The following BBOF1 variants were observed in gnomAD, a reference collection of about 807,000 sequenced individuals.
BBOF1 encodes the protein basal body orientation factor 1.
In BBOF1, 62 loss-of-function variants were observed where a neutral mutation model predicts 68.0. The ratio of observed to expected loss-of-function variants is 0.91; its 90% CI spans 0.74 to 1.13. The LOEUF (loss-of-function observed/expected upper bound fraction) is 1.13, where lower values mean the gene tolerates loss of function less well. Among genes scored for constraint, BBOF1 ranks in the 50% most tolerant of loss-of-function variants. The probability of loss-of-function intolerance (pLI) is 0.00; values close to 1 mark genes in which losing one functional copy is unlikely to be tolerated. For synonymous variants in BBOF1, 208 were observed against 198.8 expected, an observed-to-expected ratio of 1.05 and a Z score of -0.39; for missense variants, 534 against 600.1, an observed-to-expected ratio of 0.89 and a Z score of 1.15.
At chr14:74,040,168 T>A (rs2059800642) in intron 4 of BBOF1, among the ~76,000 whole-genome samples, 1 of 152,140 alleles carries the variant, frequency 6.6e-6, no homozygotes, top group African/African-American at 2.4e-5. Flanking sequence ...AATTTTTGTA[T>A]TTTTTGTAGA....
chr14:74,029,138 G>T, intron 2 of BBOF1, 46 bp from the exon 3 acceptor site: 2 of 1,181,924 alleles, frequency 1.7e-6, no homozygotes, highest in South Asian at 1.3e-5. Flanking sequence ...GGTAGACATA[G>T]AGCAGTTTCT....
intron 3 of BBOF1, among the ~76,000 whole-genome samples, chr14:74,030,939 T>TATAG (rs1555371201): frequency 2.8e-4 from 41 of 145,304 alleles, no homozygotes; most frequent in Non-Finnish European, 4.9e-4. Flanking sequence ...TATATATATA[T>TATAG]AGAGAGAGAG....
chr14:74,071,758 T>C (rs1159561772), intron 9 of BBOF1: 3 of 1,452,516 alleles, frequency 2.1e-6, no homozygotes, highest in Admixed American at 1.8e-5. Context: ...AATACTGCCA[T>C]TTTTCACAAG....
At chr14:74,067,571 T>TA (rs528185481), downstream of BBOF1, 3,773 of 1,548,414 alleles carry the variant, frequency 2.4e-3, 56 homozygotes, top group African/African-American at 0.039. Context: ...CTTGGCTCCC[T>TA]AAAAAAAAAT....
rs751968554 is a variant in BBOF1, at chr14:74,064,917, C to A, written c.*218C>A. 1 of 1,612,958 alleles carries A rather than the reference C, an allele frequency of 6.2e-7. No individual in the cohort carries two copies. Among genetic ancestry groups the A allele is most frequent in the East Asian group, 2.2e-5 (1 of 44,844 alleles). ...GGCACTGGAATGGGGACATTCACTCCCACCTAAAACAGAACAAATCCGTGT... is the reference window on the plus strand; with the variant it reads ...GGCACTGGAATGGGGACATTCACTCACACCTAAAACAGAACAAATCCGTGT... On this transcript the variant is annotated 3_prime_UTR_variant, in exon 12 of 12. Transcript: ENST00000394009.
chr14:74,023,642 G>A (rs2059353746), intron 2 of BBOF1, among the ~76,000 whole-genome samples: 1 of 152,134 alleles, frequency 6.6e-6, no homozygotes, highest in South Asian at 2.1e-4. Context: ...GAGGCCGGGT[G>A]TGGTGGCTCA....
chr14:74,069,468 C>T (rs114771645), downstream of BBOF1, among the ~76,000 whole-genome samples: 1,908 of 151,670 alleles, frequency 0.013, 37 homozygotes, highest in African/African-American at 0.042. Context: ...TCTATTTAGC[C>T]GGCTGGACAC....
chr14:74,053,764 T>C (rs1409137583), intron 8 of BBOF1, among the ~76,000 whole-genome samples: 2 of 150,892 alleles, frequency 1.3e-5, no homozygotes, highest in Non-Finnish European at 3.0e-5. Flanking sequence ...CAGGCTGGAG[T>C]GCAATGATGC....
chr14:74,027,552 T>A (rs1483643496), intron 2 of BBOF1, among the ~76,000 whole-genome samples: 2 of 151,986 alleles, frequency 1.3e-5, no homozygotes, highest in Admixed American at 6.6e-5. Flanking sequence ...ATGAGGAGGA[T>A]AATTGCATAG....
chr14:74,041,237 A>T (rs1182751588), intron 5 of BBOF1, among the ~76,000 whole-genome samples: 1 of 152,118 alleles, frequency 6.6e-6, no homozygotes, highest in Non-Finnish European at 1.5e-5. Context: ...CAGGAGGCAG[A>T]GGTTGCAGTG....
chr14:74,078,477 C>G (rs1326824611), intron 10 of BBOF1: 4 of 262,328 alleles, frequency 1.5e-5, no homozygotes, highest in Non-Finnish European at 2.3e-5. Flanking sequence ...CCTCAGCCTC[C>G]CAAATAGCTG....
At chr14:74,020,841 G>T (rs1484713189) in intron 1 of BBOF1, among the ~76,000 whole-genome samples, 1 of 152,148 alleles carries the variant, frequency 6.6e-6, no homozygotes. Flanking sequence ...CTGATACCTG[G>T]ATGGTCGTAG....
At chr14:74,029,087 T>C (rs2059504381) in intron 2 of BBOF1, 97 bp from the exon 3 acceptor site, 2 of 721,066 alleles carry the variant, frequency 2.8e-6, no homozygotes, top group Non-Finnish European at 4.7e-6. Flanking sequence ...TCTTTTGCCA[T>C]ATTGGTTTTA....
intron 6 of BBOF1, among the ~76,000 whole-genome samples, chr14:74,047,608 T>C (rs1219124190): frequency 6.6e-6 from 1 of 151,966 alleles, no homozygotes; most frequent in East Asian, 1.9e-4. Flanking sequence ...TGGCTAATTT[T>C]TTAGATTTTC....
At chr14:74,067,397 T>G (rs749852858), downstream of BBOF1, 1 of 1,613,254 alleles carries the variant, frequency 6.2e-7, no homozygotes, top group Non-Finnish European at 8.5e-7. Flanking sequence ...GACTCTCAGG[T>G]TTTTGGCATG....
At chr14:74,024,559 G>T (rs2059382111) in intron 2 of BBOF1, among the ~76,000 whole-genome samples, 1 of 152,092 alleles carries the variant, frequency 6.6e-6, no homozygotes, top group Non-Finnish European at 1.5e-5. Flanking sequence ...TCGACATCCG[G>T]GCTCAGATGA....
intron 5 of BBOF1, among the ~76,000 whole-genome samples, chr14:74,044,953 G>C (rs2059917841): frequency 6.6e-6 from 1 of 152,062 alleles, no homozygotes; most frequent in Non-Finnish European, 1.5e-5. Context: ...GTTCAGCTGG[G>C]CTTGAACTCC....
intron 11 of BBOF1, chr14:74,059,373 A>G (rs1235549090): frequency 2.2e-6 from 1 of 456,488 alleles, no homozygotes; most frequent in South Asian, 1.6e-5. Flanking sequence ...TGGGCCTAAA[A>G]TAACTTTTGA....
intron 9 of BBOF1, chr14:74,072,556 C>A (rs900892673): frequency 3.7e-6 from 6 of 1,614,020 alleles, no homozygotes; most frequent in Middle Eastern, 1.6e-4. Flanking sequence ...GATATCGATC[C>A]ATTTGTCACT....
Sources: allele counts gnomAD v4.1 joint callset (sites outside exome capture counted in the v4.1 genomes callset), GRCh38; gene constraint gnomAD v4.1.1; transcripts MANE v1.5; gene names NCBI Gene and HGNC (gene_info 2026-07-23, HGNC 2026-07-21).